IFT88: variants seen among roughly 807,000 people sequenced by gnomAD.
IFT88 encodes the protein intraflagellar transport 88.
In IFT88, 74 loss-of-function variants were observed where a neutral mutation model predicts 119.5. The observed-to-expected ratio is 0.62, with a 90% CI of 0.51 to 0.75. The LOEUF is 0.75. Among genes scored for constraint, IFT88 ranks in the 30% least tolerant of loss-of-function variants. IFT88 has a pLI of 0.00. For missense variants in IFT88, 961 were observed against 977.7 expected (o/e 0.98, Z 0.23); for synonymous variants, 279 against 316.7 (o/e 0.88, Z 1.26).
At chr13:20,627,890 A>G (rs1411960165) in intron 15 of IFT88, among the ~76,000 whole-genome samples, 1 of 152,168 alleles carries the variant, frequency 6.6e-6, no homozygotes, top group Non-Finnish European at 1.5e-5. Flanking sequence ...TGTTCAAAAT[A>G]TCTTCTGTTC....
rs1002174124 is a variant in IFT88 at position 20,610,828 on chromosome 13, A to G, written c.1113-4965A>G. ...CCCAGGAATGTGAAACTGGTTTAAC[A>G]TGTAAAAATCAATTAATATTATACA... is the stretch of plus-strand genomic sequence containing the variant. On this transcript the variant is annotated intron_variant, in intron 13 of 25. Transcript: ENST00000351808. 2.6e-5 allele frequency among the ~76,000 whole-genome samples: 4 copies of G among 152,320 alleles called. No individual in the cohort carries two copies. The South Asian group carries it at 6.2e-4, about 24-fold the overall frequency.
At chr13:20,643,349 G>A (rs1297842945) in intron 18 of IFT88, 106 bp from the exon 19 acceptor site, 25 of 823,548 alleles carry the variant, frequency 3.0e-5, no homozygotes, top group Non-Finnish European at 4.0e-5. Context: ...GTATACAATA[G>A]CACATTACTG....
chr13:20,647,222 A>G (rs1357360284), intron 20 of IFT88, among the ~76,000 whole-genome samples: 1 of 152,204 alleles, frequency 6.6e-6, no homozygotes, highest in African/African-American at 2.4e-5. Flanking sequence ...AAACTTATTC[A>G]ATATACATTC....
chr13:20,629,192 A>T (rs1339131693), intron 15 of IFT88, among the ~76,000 whole-genome samples: 1 of 152,186 alleles, frequency 6.6e-6, no homozygotes, highest in Non-Finnish European at 1.5e-5. Context: ...TCTAAAAGTG[A>T]AGATTAGACT....
chr13:20,596,104 T>C (rs943009092), intron 7 of IFT88, 46 bp from the exon 8 acceptor site: 2 of 591,438 alleles, frequency 3.4e-6, no homozygotes, highest in Non-Finnish European at 5.6e-6. Context: ...GTATAGATTT[T>C]TAGAGGTTGA....
intron 7 of IFT88, among the ~76,000 whole-genome samples, chr13:20,592,763 C>G (rs564025620): frequency 2.0e-5 from 3 of 147,268 alleles, no homozygotes; most frequent in South Asian, 4.3e-4. Context: ...AGCCACCACA[C>G]CAGCTCACAT....
chr13:20,595,370 C>G (rs1347657870), intron 7 of IFT88, among the ~76,000 whole-genome samples: 2 of 152,110 alleles, frequency 1.3e-5, no homozygotes, highest in African/African-American at 4.8e-5. Context: ...TCACTGCAAC[C>G]TCTGTCTCCC....
chr13:20,680,059 A>G (rs1183163303), intron 24 of IFT88, among the ~76,000 whole-genome samples: 3 of 152,158 alleles, frequency 2.0e-5, no homozygotes, highest in Admixed American at 6.5e-5. Context: ...TTGCGACACA[A>G]TCTTCCCAAG....
intron 18 of IFT88, 172 bp downstream of exon 18, chr13:20,641,570 A>C (rs1227167847): frequency 2.2e-6 from 1 of 465,114 alleles, no homozygotes; most frequent in Non-Finnish European, 3.8e-6. Context: ...GAGTAATCCT[A>C]TTTTAAGATG....
rs765668289 is a variant in IFT88, at chr13:20,671,017, A to G, written c.2220A>G (p.Lys740=). 2.0e-5 allele frequency: 32 copies of G among 1,613,914 alleles called. No homozygotes were observed. The highest frequency in any genetic ancestry group is 2.5e-5 in the Non-Finnish European group (30 of 1,179,940). The stretch of plus-strand genomic sequence containing the variant: ...ATGGCAGTGGGGGCTCCCGTGGCAA[A>G]AGAGAAGGAAGTGCTAGCGGTGGTA... ...GRDGSGGSRG[K]REGSASGDSG... Residue 740 remains lysine (K), a synonymous_variant, in exon 24 of 26, where the codon AAA becomes AAG. Coordinates refer to ENST00000351808, the MANE Select transcript of IFT88 (RefSeq NM_006531.5).
chr13:20,579,293 A>G (rs563435895), intron 2 of IFT88, among the ~76,000 whole-genome samples: 16 of 152,250 alleles, frequency 1.1e-4, no homozygotes, highest in African/African-American at 3.6e-4. Context: ...CAGGGCCTGG[A>G]GTCAGAATCC....
At chr13:20,610,062 C>T (rs2044213455) in intron 13 of IFT88, among the ~76,000 whole-genome samples, 1 of 151,900 alleles carries the variant, frequency 6.6e-6, no homozygotes, top group South Asian at 2.1e-4. Flanking sequence ...CAAGATGCTT[C>T]CCTGTTCAGA....
At chr13:20,620,311 A>T (rs2046274259) in intron 14 of IFT88, among the ~76,000 whole-genome samples, 1 of 152,088 alleles carries the variant, frequency 6.6e-6, no homozygotes, top group Admixed American at 6.5e-5. Flanking sequence ...GTCACCTTTG[A>T]CATATACCAA....
intron 24 of IFT88, among the ~76,000 whole-genome samples, chr13:20,672,872 T>C (rs2056107788): frequency 7.3e-6 from 1 of 137,906 alleles, no homozygotes. Context: ...TTTGGAATTG[T>C]AGATGGAGGG....
At chr13:20,659,747 G>T (rs745513504) in intron 22 of IFT88, among the ~76,000 whole-genome samples, 6 of 151,758 alleles carry the variant, frequency 4.0e-5, no homozygotes, top group Non-Finnish European at 8.8e-5. Context: ...AGGTTCAAGT[G>T]ATTCTCCTGC....
chr13:20,603,525 T>C (rs1280746646), intron 12 of IFT88, among the ~76,000 whole-genome samples: 1 of 152,216 alleles, frequency 6.6e-6, no homozygotes, highest in Non-Finnish European at 1.5e-5. Context: ...GGATTAACTA[T>C]TATAACCTAT....
chr13:20,638,221 G>A (rs2049319930), intron 16 of IFT88, 111 bp from the exon 17 acceptor site: 2 of 567,820 alleles, frequency 3.5e-6, no homozygotes, highest in East Asian at 6.8e-5. Context: ...AAATATTTTT[G>A]TTCATTACAT....
At chr13:20,621,589 C>CTT (rs141994987) in intron 14 of IFT88, among the ~76,000 whole-genome samples, 1,880 of 138,552 alleles carry the variant, frequency 0.014, 39 homozygotes, top group African/African-American at 0.05. Flanking sequence ...AATCCAAAGA[C>CTT]TTTTTTTTTA....
At position 20,635,027 on chromosome 13, in the gene IFT88, C is replaced by T. The variant is rs553815385; in HGVS notation, c.1387-3305C>T. 2.0e-5 allele frequency among the ~76,000 whole-genome samples: 3 copies of T among 147,882 alleles called. No individual in the cohort carries two copies. The South Asian group carries it at 6.4e-4, about 32-fold the overall frequency. ...ATGTGTTCTCATTGTTCAATTCCCACCTATGAGTGAGAACATGCAGTGTTT... is the reference window on the plus strand; with the variant it reads ...ATGTGTTCTCATTGTTCAATTCCCATCTATGAGTGAGAACATGCAGTGTTT... On this transcript the variant is annotated intron_variant, in intron 16 of 25. Coordinates refer to ENST00000351808, the MANE Select transcript of IFT88 (RefSeq NM_006531.5).
Sources: allele counts gnomAD v4.1 joint callset (sites outside exome capture counted in the v4.1 genomes callset), GRCh38; gene constraint gnomAD v4.1.1; transcripts MANE v1.5; gene names NCBI Gene and HGNC (gene_info 2026-07-23, HGNC 2026-07-21).